DGKI: variants seen among roughly 807,000 people sequenced by gnomAD.
The protein encoded by DGKI is diacylglycerol kinase iota, also known as DAG kinase iota.
DGKI carries 55 observed loss-of-function variants against 147.5 expected under a neutral mutation model. The observed-to-expected ratio is 0.37, with a 90% CI of 0.30 to 0.47. The LOEUF is 0.47. DGKI is among the 20% of genes least tolerant of loss of function. The probability of loss-of-function intolerance (pLI) is 1.00; values close to 1 mark genes in which losing one functional copy is unlikely to be tolerated. For missense variants in DGKI, 1,007 were observed against 1,323.8 expected, an observed-to-expected ratio of 0.76 and a Z score of 3.71; for synonymous variants, 469 against 477.1, an observed-to-expected ratio of 0.98 and a Z score of 0.22.
chr7:137,525,120 A>T (rs1365297333), intron 20 of DGKI, among the ~76,000 whole-genome samples: 1 of 152,138 alleles, frequency 6.6e-6, no homozygotes, highest in Non-Finnish European at 1.5e-5. Flanking sequence ...TATTATTTGA[A>T]TCAAACTTTA....
intron 21 of DGKI, among the ~76,000 whole-genome samples, chr7:137,509,067 T>C (rs1816478590): frequency 6.6e-6 from 1 of 152,152 alleles, no homozygotes. Flanking sequence ...GAATCTTTCC[T>C]TTTATTCTGT....
intron 12 of DGKI, among the ~76,000 whole-genome samples, chr7:137,594,506 C>T (rs938697719): frequency 6.6e-6 from 1 of 152,148 alleles, no homozygotes; most frequent in African/African-American, 2.4e-5. Context: ...GGTAATATAG[C>T]CTCATCCCAG....
chr7:137,675,282 C>T (rs942719443), intron 3 of DGKI, among the ~76,000 whole-genome samples: 8 of 139,908 alleles, frequency 5.7e-5, no homozygotes, highest in Middle Eastern at 3.5e-3. Context: ...GCACCTTGTT[C>T]GCTTGCTGGG....
chr7:137,778,554 C>T (rs1189319294), intron 1 of DGKI, among the ~76,000 whole-genome samples: 1 of 151,310 alleles, frequency 6.6e-6, no homozygotes, highest in Non-Finnish European at 1.5e-5. Context: ...GTAGCTAGGT[C>T]AGAACAATTG....
intron 28 of DGKI, among the ~76,000 whole-genome samples, chr7:137,412,608 T>TA (rs1476994536): frequency 6.6e-6 from 1 of 152,228 alleles, no homozygotes; most frequent in Non-Finnish European, 1.5e-5. Flanking sequence ...TGAATGTTCC[T>TA]AACCCAGCCA....
intron 1 of DGKI, among the ~76,000 whole-genome samples, chr7:137,751,117 G>T (rs1795479251): frequency 6.6e-6 from 1 of 152,112 alleles, no homozygotes; most frequent in Non-Finnish European, 1.5e-5. Context: ...ATAACTTTGG[G>T]CTTCATGTCA....
intron 1 of DGKI, among the ~76,000 whole-genome samples, chr7:137,717,470 ATAT>A (rs1205837544): frequency 1.3e-5 from 2 of 152,224 alleles, no homozygotes; most frequent in Non-Finnish European, 2.9e-5. Context: ...ATTGTAAGTG[ATAT>A]TAACATTTTA....
chr7:137,654,599 T>G (rs988616125), intron 5 of DGKI, 133 bp downstream of exon 5: 1 of 693,326 alleles, frequency 1.4e-6, no homozygotes, highest in African/African-American at 1.8e-5. Flanking sequence ...TGCTTATTGA[T>G]GTGTTAACAA....
intron 1 of DGKI, among the ~76,000 whole-genome samples, chr7:137,844,660 T>G (rs541978445): frequency 1.3e-5 from 2 of 152,240 alleles, no homozygotes; most frequent in African/African-American, 2.4e-5. Flanking sequence ...TCTGTGTCCA[T>G]GTCTATGCTT....
At chr7:137,461,846 C>T (rs1419956623) in intron 27 of DGKI, among the ~76,000 whole-genome samples, 1 of 151,938 alleles carries the variant, frequency 6.6e-6, no homozygotes, top group East Asian at 1.9e-4. Flanking sequence ...TGAAGATCAA[C>T]CAAAAATTAA....
chr7:137,690,927 G>A (rs1159313525), intron 1 of DGKI, among the ~76,000 whole-genome samples: 1 of 152,150 alleles, frequency 6.6e-6, no homozygotes, highest in Non-Finnish European at 1.5e-5. Context: ...ATTTCTGAAT[G>A]GCCTCCCAAA....
At chr7:137,505,313 C>T (rs1282863480) in intron 21 of DGKI, among the ~76,000 whole-genome samples, 2 of 152,096 alleles carry the variant, frequency 1.3e-5, no homozygotes, top group African/African-American at 4.8e-5. Flanking sequence ...TTGGAGAGAA[C>T]GTGCATTGAG....
chr7:137,486,297 T>G (rs1475834173), intron 22 of DGKI, among the ~76,000 whole-genome samples: 1 of 152,140 alleles, frequency 6.6e-6, no homozygotes, highest in African/African-American at 2.4e-5. Flanking sequence ...TCATCAATCG[T>G]GTATTAATAT....
intron 21 of DGKI, among the ~76,000 whole-genome samples, chr7:137,500,108 A>C (rs538583102): frequency 1.3e-5 from 2 of 152,304 alleles, no homozygotes; most frequent in South Asian, 4.1e-4. Flanking sequence ...AATTCAGGTA[A>C]TAGGAACTAC....
intron 19 of DGKI, among the ~76,000 whole-genome samples, chr7:137,559,141 G>A (rs1270076757): frequency 1.6e-5 from 2 of 122,254 alleles, no homozygotes; most frequent in Non-Finnish European, 3.2e-5. Flanking sequence ...GCGGGATCTC[G>A]GCTCACTGCA....
intron 1 of DGKI, among the ~76,000 whole-genome samples, chr7:137,807,272 C>G: frequency 6.6e-6 from 1 of 152,198 alleles, no homozygotes; most frequent in East Asian, 1.9e-4. Context: ...CACCCAAGAT[C>G]CATGTTATTT....
chr7:137,611,290 A>C (rs1309886200), intron 8 of DGKI, among the ~76,000 whole-genome samples: 1 of 152,138 alleles, frequency 6.6e-6, no homozygotes, highest in Non-Finnish European at 1.5e-5. Context: ...AATGCTCTAA[A>C]TGCTTCTCAA....
rs192518486 is a variant in DGKI at position 137,576,194 on chromosome 7, C to T, written c.1761+1028G>A. Among the ~76,000 whole-genome samples, 503 of 151,906 alleles carry T rather than the reference C, an allele frequency of 3.3e-3. 4 individuals carry two copies. The highest frequency in any genetic ancestry group is 0.011 in the African/African-American group (470 of 41,416). ...CTGGGACTACAGGCACATGCCACCA[C>T]GCCTGCCTAATTTTTTGTATTTTGA... is the stretch of plus-strand genomic sequence containing the variant. On this transcript the variant is annotated intron_variant, in intron 17 of 32. Coordinates refer to ENST00000614521, the MANE Select transcript of DGKI (RefSeq NM_001321708.2).
chr7:137,503,247 G>A (rs1000394018), intron 21 of DGKI, among the ~76,000 whole-genome samples: 2 of 152,070 alleles, frequency 1.3e-5, no homozygotes, highest in African/African-American at 4.8e-5. Flanking sequence ...ACAAAGAAAT[G>A]CAACTATACA....
Sources: gnomAD v4.1 joint callset for allele counts (sites outside exome capture counted in the v4.1 genomes callset) on GRCh38, gnomAD v4.1.1 for gene constraint, MANE v1.5 for transcripts, NCBI Gene and HGNC (gene_info 2026-07-23, HGNC 2026-07-21) for gene names.